The following SEMA5B variants were observed in gnomAD, a reference collection of about 807,000 sequenced individuals.
SEMA5B encodes the protein semaphorin 5B, also known as semaphorin-5B.
SEMA5B carries 66 observed loss-of-function variants against 135.0 expected under a neutral mutation model. The observed-to-expected ratio is 0.49, with a 90% CI of 0.40 to 0.60. The LOEUF is 0.60. Among genes scored for constraint, SEMA5B ranks in the 20% least tolerant of loss-of-function variants. SEMA5B has a pLI of 0.00. For synonymous variants in SEMA5B, 690 were observed against 639.5 expected (o/e 1.08, Z -1.19); for missense variants, 1,501 against 1,566.3 (o/e 0.96, Z 0.70).
At chr3:122,965,950 C>A (rs995297101) in intron 1 of SEMA5B, among the ~76,000 whole-genome samples, 14 of 152,178 alleles carry the variant, frequency 9.2e-5, no homozygotes, top group Non-Finnish European at 1.5e-4. Flanking sequence ...TCAGCCGACA[C>A]AGGTTTGTGT....
Position 122,915,837 on chromosome 3 carries a change from C to T in SEMA5B, c.1742G>A (p.Arg581His), listed in dbSNP as rs199707337. 1.2e-5 allele frequency: 20 copies of T among 1,613,926 alleles called. No individual in the cohort carries two copies. Among genetic ancestry groups the T allele is most frequent in the East Asian group, 4.5e-5 (2 of 44,876 alleles). Residue 581 changes from arginine to histidine, a missense_variant, in exon 13 of 23, where the codon CGT (arginine) becomes CAT (histidine). Physicochemically the swap from Arg to His is conservative, Grantham distance 29. Coordinates refer to ENST00000357599, the MANE Select transcript of SEMA5B (RefSeq NM_001031702.4). ...GGAGCTGTCCTCGAGTGTGCTGCAA[C>T]GTTGCTGCTTCCCGTCCCAGCCACA... ...PYCGWDGKQQ[R>H]CSTLEDSSNM...
At chr3:123,001,525 C>T (rs910135109) in intron 1 of SEMA5B, among the ~76,000 whole-genome samples, 2 of 152,196 alleles carry the variant, frequency 1.3e-5, no homozygotes, top group Admixed American at 1.3e-4. Context: ...TCCAACTCTT[C>T]GCTTCCTACC....
At chr3:122,936,168 C>T (rs1158923852) in intron 5 of SEMA5B, among the ~76,000 whole-genome samples, 1 of 152,146 alleles carries the variant, frequency 6.6e-6, no homozygotes, top group African/African-American at 2.4e-5. Flanking sequence ...GTGCTTTAAA[C>T]AAGGGCTGTC....
intron 1 of SEMA5B, among the ~76,000 whole-genome samples, chr3:122,973,786 A>T (rs1941214224): frequency 6.6e-6 from 1 of 152,108 alleles, no homozygotes; most frequent in African/African-American, 2.4e-5. Context: ...GGAGCCCAGG[A>T]CAGAGGGGCA....
Position 122,921,902 on chromosome 3 carries a change from C to A in SEMA5B, c.1688+13G>T, listed in dbSNP as rs116510064. ...GCAGTGGAGGCCTCGGGAGCCGCCCCGTCCCGGCTTACCCCTGGCTGCGGT... is the reference window on the plus strand; with the variant it reads ...GCAGTGGAGGCCTCGGGAGCCGCCCAGTCCCGGCTTACCCCTGGCTGCGGT... On this transcript the variant is annotated intron_variant, in intron 12 of 22. Coordinates refer to ENST00000357599, the MANE Select transcript of SEMA5B (RefSeq NM_001031702.4). The A allele has an allele frequency of 7.5e-3, 11,408 of 1,526,518 alleles. 672 individuals carry two copies. In the African/African-American group the frequency reaches 0.14, roughly 18 times the overall value. The allele number at this position is 1,526,518 out of a possible 1,614,324, so 94.6% of individuals were successfully genotyped here. A position where few individuals can be genotyped will look rare whatever the true frequency, so the allele number is the denominator to read the frequency against.
At chr3:122,946,958 T>C (rs1020617745) in intron 3 of SEMA5B, among the ~76,000 whole-genome samples, 1 of 151,998 alleles carries the variant, frequency 6.6e-6, no homozygotes, top group African/African-American at 2.4e-5. Context: ...CCTCTCTGAC[T>C]TCCTCCCCCA....
rs189492786 is a variant in SEMA5B, at chr3:122,912,354, C to T, written c.2726-12G>A. On this transcript the variant is annotated splice_polypyrimidine_tract_variant and intron_variant, in intron 18 of 22. Coordinates refer to ENST00000357599, the MANE Select transcript of SEMA5B (RefSeq NM_001031702.4). ...CCAAGCACCCCGAACTGCAAGGGGA[C>T]GGGGTGTGTGAGGGGCTGTAGGGGC... The T allele has an allele frequency of 1.5e-5, 23 of 1,575,156 alleles. No individual in the cohort carries two copies. The highest frequency in any genetic ancestry group is 1.9e-5 in the Non-Finnish European group (22 of 1,160,288).
Position 122,912,946 on chromosome 3 carries a change from G to A in SEMA5B, c.2622C>T (p.Arg874=), listed in dbSNP as rs1294907585. ...GGTTAGTGCACGTTCTCTTGCGGAC[G>A]CGGAAGCCCAGCTCGCAGTCCCGGG... ...SCSRDCELGF[R]VRKRTCTNPE... is the part of the protein sequence containing the mutation. The change falls in exon 18 of 23, where the codon CGC becomes CGT. Residue 874 remains arginine, a synonymous_variant. Transcript: ENST00000357599. 1.2e-6 allele frequency: 2 copies of A among 1,612,640 alleles called. No individual in the cohort carries two copies. Among genetic ancestry groups the A allele is most frequent in the Admixed American group, 1.7e-5 (1 of 59,898 alleles).
At chr3:122,948,780 G>A in intron 2 of SEMA5B, 71 bp from the exon 3 acceptor site, 1 of 1,222,302 alleles carries the variant, frequency 8.2e-7, no homozygotes, top group Non-Finnish European at 1.1e-6. Context: ...TTTCCTTGTG[G>A]TTACAGTGCC....
chr3:122,926,478 G>C lies in SEMA5B; in HGVS notation c.1050C>G (p.Gly350=), dbSNP rs539416552. ...MKARLNCSRP[G]EVPFYYNELQ... is the part of the protein sequence containing the mutation. ...GCTCGTTATAGTAGAAGGGGACCTC[G>C]CCCGGGCGGGAGCAGTTGAGCCGGG... Residue 350 remains glycine, a synonymous_variant, in exon 9 of 23, where the codon GGC becomes GGG. Transcript: ENST00000357599. 6.2e-7 allele frequency: 1 copy of C among 1,614,226 alleles called. No homozygotes were observed. The highest frequency in any genetic ancestry group is 8.5e-7 in the Non-Finnish European group (1 of 1,180,038).
chr3:122,961,270 G>A lies in SEMA5B; in HGVS notation c.-7C>T. The A allele has an allele frequency of 6.2e-7, 1 of 1,614,036 alleles. No individual in the cohort carries two copies. Among genetic ancestry groups the A allele is most frequent in the Non-Finnish European group, 8.5e-7 (1 of 1,179,952 alleles). On this transcript the variant is annotated 5_prime_UTR_variant, in exon 2 of 23. Transcript: ENST00000357599. ...GACTGAAGCCACAGGGCATCCAAGA[G>A]ACACAGGCCAGGCACCAGCTGGAAC...
intron 1 of SEMA5B, among the ~76,000 whole-genome samples, chr3:123,003,012 T>C (rs1377844785): frequency 6.6e-6 from 1 of 151,910 alleles, no homozygotes; most frequent in Non-Finnish European, 1.5e-5. Context: ...GTGACCGTGA[T>C]AGGTAAAGAT....
rs142897596 is a variant in SEMA5B at position 122,911,444 on chromosome 3, G to A, written c.3091+47C>T. The A allele has an allele frequency of 8.0e-3, 12,783 of 1,588,468 alleles. 75 individuals are homozygous for A. Among genetic ancestry groups the A allele is most frequent in the Middle Eastern group, 0.023 (136 of 6,022 alleles). ...AGTCCAGACTTTGGAGTGGGGTGCCGGAGGGCTGGGAGGACCGCAGCATGA... is the reference window on the plus strand; with the variant it reads ...AGTCCAGACTTTGGAGTGGGGTGCCAGAGGGCTGGGAGGACCGCAGCATGA... On this transcript the variant is annotated intron_variant, in intron 21 of 22. Transcript: ENST00000357599.
Position 122,915,498 on chromosome 3 carries a change from G to C in SEMA5B, c.1930C>G (p.Pro644Ala). ...CRARSCDSPR[P>A]RCGGLDCLGP... ...AGGCAGTCAAGGCCCCCACAGCGGG[G>C]TCGAGGGGAATCACAGGATCGAGCT... Residue 644 changes from proline to alanine, a missense_variant, in exon 14 of 23, where the codon CCC becomes GCC. Physicochemically the swap from Pro to Ala is conservative, Grantham distance 27. Transcript: ENST00000357599. The C allele has an allele frequency of 6.2e-7, 1 of 1,613,976 alleles. No homozygotes were observed. The highest frequency in any genetic ancestry group is 1.7e-5 in the Admixed American group (1 of 60,012).
At chr3:122,962,854 C>T (rs1280523233) in intron 1 of SEMA5B, among the ~76,000 whole-genome samples, 2 of 152,120 alleles carry the variant, frequency 1.3e-5, no homozygotes, top group East Asian at 3.9e-4. Flanking sequence ...GAAAATTATC[C>T]TATTTAATGC....
At position 122,923,635 on chromosome 3, in the gene SEMA5B, G is replaced by A; in HGVS notation, c.1254C>T (p.Asn418=). ...TCTGTACCTGGAAATTGGGGATGGGGTTGGCTATGGGGAGCCAGGCAGCCC... is the reference window on the plus strand; with the variant it reads ...TCTGTACCTGGAAATTGGGGATGGGATTGGCTATGGGGAGCCAGGCAGCCC... ...NPRAAWLPIA[N]PIPNFQCGTL... The change falls in exon 10 of 23, where the codon AAC becomes AAT. Residue 418 remains asparagine (N), a synonymous_variant. Transcript: ENST00000357599. 1 of 1,614,158 alleles carries A rather than the reference G, an allele frequency of 6.2e-7. No homozygotes were observed. The highest frequency in any genetic ancestry group is 1.7e-5 in the Admixed American group (1 of 60,032).
Position 123,017,163 on chromosome 3 carries a change from C to T in SEMA5B, c.-39+10301G>A, listed in dbSNP as rs148984471. Among the ~76,000 whole-genome samples, 740 of 152,154 alleles carry T rather than the reference C, an allele frequency of 4.9e-3. 8 individuals carry two copies. Among genetic ancestry groups the T allele is most frequent in the African/African-American group, 0.017 (694 of 41,524 alleles). ...TCAGCCTCCCAAAGTGCTGGGATTA[C>T]AGGCATGAGCCCCCGCGCCTGGCCC... On this transcript the variant is annotated intron_variant, in intron 1 of 22. Transcript: ENST00000357599.
chr3:123,001,891 C>T (rs1942184932), intron 1 of SEMA5B, among the ~76,000 whole-genome samples: 1 of 152,178 alleles, frequency 6.6e-6, no homozygotes, highest in Admixed American at 6.5e-5. Context: ...GCTGCTCATT[C>T]CTCCAAAAGC....
intron 2 of SEMA5B, among the ~76,000 whole-genome samples, chr3:122,956,697 A>C (rs1940327093): frequency 6.6e-6 from 1 of 152,086 alleles, no homozygotes; most frequent in Non-Finnish European, 1.5e-5. Flanking sequence ...GGGATCGCCC[A>C]GACCACCCCG....
Sources: gnomAD v4.1 joint callset for allele counts (sites outside exome capture counted in the v4.1 genomes callset) on GRCh38, gnomAD v4.1.1 for gene constraint, MANE v1.5 for transcripts, NCBI Gene and HGNC (gene_info 2026-07-23, HGNC 2026-07-21) for gene names.